Variants in EYA2 observed in about 807,000 individuals in gnomAD.
EYA2 encodes the protein EYA transcriptional coactivator and phosphatase 2.
In EYA2, 31 loss-of-function variants were observed where a neutral mutation model predicts 69.2. The ratio of observed to expected loss-of-function variants is 0.45; its 90% CI spans 0.34 to 0.60. EYA2 has a LOEUF of 0.60. EYA2 is among the 20% of genes least tolerant of loss of function. The probability of loss-of-function intolerance (pLI) is 0.02; values close to 1 mark genes in which losing one functional copy is unlikely to be tolerated. For missense variants in EYA2, 622 were observed against 701.2 expected (o/e 0.89, Z 1.28); for synonymous variants, 257 against 279.4 (o/e 0.92, Z 0.80).
chr20:47,146,084 G>A (rs771405925), intron 10 of EYA2, among the ~76,000 whole-genome samples: 26 of 152,034 alleles, frequency 1.7e-4, no homozygotes, highest in Non-Finnish European at 3.2e-4. Flanking sequence ...TTGGGGGAGA[G>A]AGAGGTGGCA....
At chr20:47,030,358 G>A (rs1034003352) in intron 5 of EYA2, among the ~76,000 whole-genome samples, 4 of 152,222 alleles carry the variant, frequency 2.6e-5, no homozygotes, top group African/African-American at 9.6e-5. Flanking sequence ...CCAACCACTG[G>A]TTTACACAGT....
intron 1 of EYA2, among the ~76,000 whole-genome samples, chr20:46,949,388 C>A (rs1978664129): frequency 6.6e-6 from 1 of 152,132 alleles, no homozygotes; most frequent in African/African-American, 2.4e-5. Context: ...TCAGGCCAAA[C>A]CTAGTCTCAC....
At chr20:47,027,587 A>T (rs935235907) in intron 5 of EYA2, among the ~76,000 whole-genome samples, 2 of 152,202 alleles carry the variant, frequency 1.3e-5, no homozygotes, top group African/African-American at 4.8e-5. Flanking sequence ...TTACATAACA[A>T]GTTAGATTTG....
At chr20:47,124,908 T>C (rs1360217782) in intron 9 of EYA2, among the ~76,000 whole-genome samples, 1 of 152,114 alleles carries the variant, frequency 6.6e-6, no homozygotes, top group Non-Finnish European at 1.5e-5. Flanking sequence ...GCTGAATAGT[T>C]GCACAAAACC....
intron 9 of EYA2, among the ~76,000 whole-genome samples, chr20:47,108,205 G>A (rs1053454785): frequency 2.0e-5 from 3 of 152,226 alleles, no homozygotes; most frequent in African/African-American, 7.2e-5. Context: ...AAAGGGAGGT[G>A]TTTGGATCCT....
At chr20:47,187,442 GA>G (rs2034668701) in intron 15 of EYA2, among the ~76,000 whole-genome samples, 1 of 146,888 alleles carries the variant, frequency 6.8e-6, no homozygotes, top group Non-Finnish European at 1.5e-5. Context: ...AGATAAAAAC[GA>G]AAGCTATAAA....
chr20:46,967,161 TTTTTG>T (rs575217805), intron 1 of EYA2, among the ~76,000 whole-genome samples: 184 of 152,272 alleles, frequency 1.2e-3, no homozygotes, highest in Non-Finnish European at 2.0e-3. Flanking sequence ...ATCCAGCTAA[TTTTTG>T]TTTTGTTTTG....
At chr20:46,913,395 G>A (rs990999165) in intron 1 of EYA2, among the ~76,000 whole-genome samples, 3 of 152,180 alleles carry the variant, frequency 2.0e-5, no homozygotes, top group African/African-American at 7.2e-5. Flanking sequence ...GGCAGATAAT[G>A]TAGGGTGTTT....
chr20:47,046,820 A>G (rs572652781), intron 5 of EYA2, among the ~76,000 whole-genome samples: 97 of 152,170 alleles, frequency 6.4e-4, no homozygotes, highest in Non-Finnish European at 1.1e-3. Context: ...TTGTGTATCT[A>G]TCTGGGAAGG....
chr20:46,928,377 G>A (rs1228120366), intron 1 of EYA2, among the ~76,000 whole-genome samples: 1 of 152,214 alleles, frequency 6.6e-6, no homozygotes, highest in African/African-American at 2.4e-5. Flanking sequence ...TAAATGGGAG[G>A]AGAGTAGTAA....
chr20:47,183,047 G>A (rs2034567982), intron 14 of EYA2, among the ~76,000 whole-genome samples: 1 of 152,168 alleles, frequency 6.6e-6, no homozygotes, highest in Non-Finnish European at 1.5e-5. Flanking sequence ...TCTAACCCCT[G>A]CGCTGCCTCC....
intron 5 of EYA2, among the ~76,000 whole-genome samples, chr20:47,037,395 A>G (rs1009232266): frequency 2.6e-5 from 4 of 152,232 alleles, no homozygotes; most frequent in Admixed American, 2.6e-4. Flanking sequence ...CATGGCGCAA[A>G]AGAAGCACTC....
intron 9 of EYA2, among the ~76,000 whole-genome samples, chr20:47,106,120 G>T (rs979725035): frequency 2.0e-5 from 3 of 152,154 alleles, no homozygotes; most frequent in Non-Finnish European, 4.4e-5. Context: ...GTTTTTTACT[G>T]TAGAGCTTTT....
At chr20:46,986,453 T>TA (rs1432469332) in intron 1 of EYA2, among the ~76,000 whole-genome samples, 1 of 20,688 alleles carries the variant, frequency 4.8e-5, no homozygotes, top group Non-Finnish European at 3.4e-4. Context: ...AATGTGTATA[T>TA]ATATACATTA....
At chr20:47,056,117 G>A (rs1217714631) in intron 5 of EYA2, among the ~76,000 whole-genome samples, 3 of 152,238 alleles carry the variant, frequency 2.0e-5, no homozygotes, top group African/African-American at 7.2e-5. Flanking sequence ...TGAGGCCATT[G>A]TGACATTTAG....
In EYA2 at chr20:46,990,114, G is replaced by T; in HGVS notation, c.104G>T (p.Arg35Ile). The T allele has an allele frequency of 6.3e-7, 1 of 1,591,488 alleles. No homozygotes were observed. The change falls in exon 2 of 16, where the codon AGA becomes ATA. Residue 35 changes from arginine (R) to isoleucine (I), a missense_variant. Arg to Ile is a moderately conservative substitution (Grantham distance 97). Coordinates refer to ENST00000327619, the MANE Select transcript of EYA2 (RefSeq NM_005244.5). ...GCTGCTGTGTGGACTCTGAGTGACA[G>T]ACAAGGTAGGCTTCCTGCTGTGAGT... ...ADAAVWTLSDRQGITKSAPLR... is the reference protein window; with the variant it reads ...ADAAVWTLSDIQGITKSAPLR...
At chr20:47,037,340 T>C (rs1476442202) in intron 5 of EYA2, among the ~76,000 whole-genome samples, 2 of 152,184 alleles carry the variant, frequency 1.3e-5, no homozygotes, top group Non-Finnish European at 1.5e-5. Context: ...AGCAGGTTGT[T>C]GTAGTGATTA....
intron 9 of EYA2, among the ~76,000 whole-genome samples, chr20:47,118,368 A>T (rs1344401270): frequency 6.6e-6 from 1 of 150,986 alleles, no homozygotes; most frequent in Admixed American, 6.7e-5. Flanking sequence ...AAGGAGAGTG[A>T]CCTCACTAGT....
intron 1 of EYA2, among the ~76,000 whole-genome samples, chr20:46,985,122 C>T (rs968337309): frequency 7.2e-5 from 11 of 152,270 alleles, no homozygotes; most frequent in African/African-American, 2.6e-4. Context: ...TTGTCTAGGG[C>T]ATGGTGGAAA....
Sources: gnomAD v4.1 joint callset for allele counts (sites outside exome capture counted in the v4.1 genomes callset) on GRCh38, gnomAD v4.1.1 for gene constraint, MANE v1.5 for transcripts, NCBI Gene and HGNC (gene_info 2026-07-23, HGNC 2026-07-21) for gene names.